Variants in FRMPD4 observed in about 807,000 individuals in gnomAD.
The protein encoded by FRMPD4 is FERM and PDZ domain containing 4.
FRMPD4 carries 22 observed loss-of-function variants against 94.1 expected under a neutral mutation model. That is an observed-to-expected ratio of 0.23 (90% CI 0.17 to 0.33). The LOEUF (loss-of-function observed/expected upper bound fraction) is 0.33, where lower values mean the gene tolerates loss of function less well. Among genes scored for constraint, FRMPD4 ranks in the 10% least tolerant of loss-of-function variants. The pLI, the probability that FRMPD4 is intolerant of heterozygous loss-of-function variation, is 1.00. For missense variants in FRMPD4, 1,111 were observed against 1,339.9 expected, an observed-to-expected ratio of 0.83 and a Z score of 2.67; for synonymous variants, 631 against 548.6, an observed-to-expected ratio of 1.15 and a Z score of -2.10.
At chrX:12,119,003 GA>G (rs2055433112) in intron 3 of FRMPD4, among the ~76,000 whole-genome samples, 1 of 110,928 alleles carries the variant, frequency 9.0e-6, no homozygotes. Context: ...ACCACAGACT[GA>G]CTGCATTTTC....
intron 1 of FRMPD4, among the ~76,000 whole-genome samples, chrX:12,433,553 A>G (rs975641270): frequency 1.8e-5 from 2 of 112,271 alleles, no homozygotes; most frequent in South Asian, 7.4e-4. Flanking sequence ...CAGAATGCAG[A>G]TGATTCAAAA....
chrX:12,534,984 C>A (rs1163113223), intron 2 of FRMPD4, among the ~76,000 whole-genome samples: 1 of 111,278 alleles, frequency 9.0e-6, no homozygotes, highest in Admixed American at 9.5e-5. Flanking sequence ...GTGTCCCCAC[C>A]CAAATCTCAT....
intron 1 of FRMPD4, among the ~76,000 whole-genome samples, chrX:12,184,988 AAG>A (rs984767346): frequency 9.0e-6 from 1 of 111,483 alleles, no homozygotes; most frequent in Non-Finnish European, 1.9e-5. Flanking sequence ...AAATAACTAA[AAG>A]AGTAAAATTG....
At chrX:12,282,449 A>T (rs2054540648) in intron 1 of FRMPD4, among the ~76,000 whole-genome samples, 1 of 112,714 alleles carries the variant, frequency 8.9e-6, no homozygotes, top group South Asian at 3.6e-4. Flanking sequence ...TAGTTGTAAA[A>T]TATAATTTTA....
intron 1 of FRMPD4, among the ~76,000 whole-genome samples, chrX:11,838,416 G>C (rs1241241206): frequency 9.0e-6 from 1 of 111,317 alleles, no homozygotes; most frequent in African/African-American, 3.3e-5. Context: ...ATTATTCTGG[G>C]GGTAGGAATC....
chrX:11,885,654 C>T (rs866565717), intron 3 of FRMPD4, among the ~76,000 whole-genome samples: 14 of 111,121 alleles, frequency 1.3e-4, no homozygotes, highest in Middle Eastern at 4.6e-3. Context: ...TTCCTAGTGC[C>T]GTATAGACCT....
At chrX:12,055,925 G>T (rs187899142) in intron 3 of FRMPD4, among the ~76,000 whole-genome samples, 2 of 111,793 alleles carry the variant, frequency 1.8e-5, no homozygotes, top group East Asian at 5.6e-4. Context: ...TGTGGGTACA[G>T]AATTCATAGG....
At position 12,498,756 on chromosome X, in the gene FRMPD4, G is replaced by T; in HGVS notation, c.118G>T (p.Glu40Ter). Residue 40 changes from glutamate (E) to a stop codon, truncating the protein, a stop_gained, in exon 2 of 17, where the codon GAG becomes TAG. Transcript: ENST00000675598. LOFTEE classifies it high-confidence loss of function. ...GLSQVPPYGW[E>*]MTANRDGRDY... ...GAGCCAGGTGCCGCCCTATGGATGG[G>T]AGATGACGGCAAACCGAGATGGGCG... 1 of 1,193,029 alleles carries T rather than the reference G, an allele frequency of 8.4e-7. No homozygotes were observed. Among genetic ancestry groups the T allele is most frequent in the Non-Finnish European group, 1.1e-6 (1 of 880,489 alleles).
intron 1 of FRMPD4, among the ~76,000 whole-genome samples, chrX:12,361,171 G>C (rs1042545611): frequency 8.9e-5 from 10 of 111,743 alleles, no homozygotes; most frequent in African/African-American, 3.3e-4. Flanking sequence ...AATGCAAACT[G>C]GTTATTTCTT....
chrX:12,036,810 T>A (rs1195720794), intron 3 of FRMPD4, among the ~76,000 whole-genome samples: 1 of 111,954 alleles, frequency 8.9e-6, no homozygotes, highest in Non-Finnish European at 1.9e-5. Context: ...TTTTAAGAAG[T>A]GTTTATTTGT....
intron 4 of FRMPD4, among the ~76,000 whole-genome samples, chrX:12,615,897 T>C (rs747197327): frequency 9.9e-5 from 11 of 111,248 alleles, no homozygotes; most frequent in Admixed American, 2.9e-4. Context: ...TTCTGGGGTC[T>C]TTCAGAGAAA....
intron 3 of FRMPD4, among the ~76,000 whole-genome samples, chrX:12,056,159 C>T (rs776396404): frequency 8.9e-6 from 1 of 111,732 alleles, no homozygotes; most frequent in Non-Finnish European, 1.9e-5. Context: ...GGAAAGTTCC[C>T]ATTTGCCAGC....
intron 2 of FRMPD4, among the ~76,000 whole-genome samples, chrX:12,607,965 ATCTT>A (rs1172525264): frequency 3.6e-5 from 4 of 112,565 alleles, no homozygotes; most frequent in Non-Finnish European, 1.9e-5. Context: ...CTTCTTTGCT[ATCTT>A]TCTTTATTAC....
intron 2 of FRMPD4, among the ~76,000 whole-genome samples, chrX:11,869,180 G>T (rs1421022880): frequency 2.7e-5 from 3 of 112,336 alleles, no homozygotes; most frequent in African/African-American, 9.7e-5. Flanking sequence ...ATTTCAAGAA[G>T]TTATGTACTC....
Position 12,720,523 on chromosome X carries a change from C to T in FRMPD4, c.3965-11C>T. The T allele has an allele frequency of 8.3e-7, 1 of 1,206,127 alleles. No individual in the cohort carries two copies. Among genetic ancestry groups the T allele is most frequent in the Non-Finnish European group, 1.1e-6 (1 of 891,521 alleles). On this transcript the variant is annotated splice_polypyrimidine_tract_variant and intron_variant, in intron 16 of 16. Coordinates refer to ENST00000675598, the MANE Select transcript of FRMPD4 (RefSeq NM_001368397.1). ...ATGATTCTCTCTGTTTTTCTACTAC[C>T]CCTAGTGTAGCTTTGACAGAGCCTG...
At position 12,023,719 on chromosome X, in the gene FRMPD4, C is replaced by T. The variant is rs774831588; in HGVS notation, c.95+145701C>T. ...ATGTTCTCAGGTCTTTATGCTCTCT[C>T]ATCCACCTCCAGGAACTCTGCTCCA... On this transcript the variant is annotated intron_variant, in intron 3 of 18. Coordinates refer to the FRMPD4 transcript ENST00000640291. Among the ~76,000 whole-genome samples the T allele has an allele frequency of 8.1e-5, 9 of 111,604 alleles. No individual in the cohort carries two copies. In the East Asian group the frequency reaches 2.3e-3, roughly 28 times the overall value.
At chrX:12,575,314 C>CT (rs35769840) in intron 2 of FRMPD4, among the ~76,000 whole-genome samples, 44,016 of 97,919 alleles carry the variant, frequency 0.45, 8,127 homozygotes, top group Non-Finnish European at 0.52. Context: ...AAGTAAAGGT[C>CT]TTTTTTTTTT....
chrX:12,542,252 C>G (rs374664962), intron 2 of FRMPD4, among the ~76,000 whole-genome samples: 2 of 111,165 alleles, frequency 1.8e-5, no homozygotes, highest in South Asian at 3.8e-4. Flanking sequence ...AATCAGGCAG[C>G]AGAAAGAAAT....
intron 1 of FRMPD4, among the ~76,000 whole-genome samples, chrX:11,864,221 CTG>C (rs932152552): frequency 2.7e-5 from 3 of 109,558 alleles, no homozygotes; most frequent in Non-Finnish European, 5.7e-5. Context: ...ACGGGAATAA[CTG>C]AAATGAATAA....
Sources: allele counts gnomAD v4.1 joint callset (sites outside exome capture counted in the v4.1 genomes callset), GRCh38; gene constraint gnomAD v4.1.1; transcripts MANE v1.5; gene names NCBI Gene and HGNC (gene_info 2026-07-23, HGNC 2026-07-21).